MYCBP2: variants seen among roughly 807,000 people sequenced by gnomAD.
MYCBP2 encodes the protein E3 ubiquitin-protein ligase MYCBP2.
In MYCBP2, 120 loss-of-function variants were observed where a neutral mutation model predicts 525.3. That is an observed-to-expected ratio of 0.23 (90% confidence interval 0.20 to 0.27). MYCBP2 has a LOEUF of 0.27. Ranked by LOEUF, MYCBP2 falls within the 10% of genes least tolerant of loss-of-function variation. MYCBP2 has a pLI of 1.00. For missense variants in MYCBP2, 4,149 were observed against 5,657.1 expected (o/e 0.73, Z 8.55); for synonymous variants, 1,894 against 1,955.8 (o/e 0.97, Z 0.83).
intron 67 of MYCBP2, 79 bp from the exon 68 acceptor site, chr13:77,076,928 CCGCAGGT>C (rs2042411156): frequency 8.3e-7 from 1 of 1,212,040 alleles, no homozygotes; most frequent in South Asian, 1.3e-5. Flanking sequence ...TTAGCTGATT[CCGCAGGT>C]TTTATAATAT....
rs370002127 is a variant in MYCBP2 at position 77,257,744 on chromosome 13, C to T, written c.2103G>A (p.Glu701=). 4.3e-5 allele frequency: 69 copies of T among 1,613,404 alleles called. No homozygotes were observed. The Admixed American group carries it at 7.0e-4, about 16-fold the overall frequency. ...TATTATTTACACCAAATGTCCACACCTCTCCATTCTTCATTAAAACACAAG... is the reference window on the plus strand; with the variant it reads ...TATTATTTACACCAAATGTCCACACTTCTCCATTCTTCATTAAAACACAAG... ...AHTCVLMKNG[E]VWTFGVNNKG... is the part of the protein sequence containing the mutation. Residue 701 remains glutamate, a synonymous_variant, in exon 14 of 83, where the codon GAG becomes GAA. Coordinates refer to ENST00000544440, the MANE Select transcript of MYCBP2 (RefSeq NM_015057.5).
At chr13:77,308,504 T>G (rs74095713) in intron 1 of MYCBP2, among the ~76,000 whole-genome samples, 3 of 152,172 alleles carry the variant, frequency 2.0e-5, no homozygotes, top group African/African-American at 7.2e-5. Context: ...ATCCATACAA[T>G]AGGGTGAAAA....
In MYCBP2 at chr13:77,158,060, T is replaced by C. The variant is rs1337833869; in HGVS notation, c.6647A>G (p.His2216Arg). The C allele has an allele frequency of 1.2e-6, 2 of 1,613,372 alleles. No homozygotes were observed. Among genetic ancestry groups the C allele is most frequent in the Non-Finnish European group, 1.7e-6 (2 of 1,179,572 alleles). Residue 2216 changes from histidine (H) to arginine (R), a missense_variant, in exon 45 of 83, where the codon CAT (histidine) becomes CGT (arginine). Coordinates refer to ENST00000544440, the MANE Select transcript of MYCBP2 (RefSeq NM_015057.5). The stretch of plus-strand genomic sequence containing the variant: ...AAGTGCTTCTAATATAGTTGGTGAA[T>C]GAGAAAGAGCTAGACCCTTTCCAAG... ...GILGKGLALS[H>R]SPTILEALEG...
At chr13:77,099,078 TAAACACTGAAATAAAA>T in intron 55 of MYCBP2, 65 bp from the exon 56 acceptor site, 1 of 1,567,656 alleles carries the variant, frequency 6.4e-7, no homozygotes, top group Non-Finnish European at 8.6e-7. Context: ...ATTTAGCCAC[TAAACACTGAAATAAAA>T]AAACATAGCT....
chr13:77,182,020 T>C (rs967745380), intron 32 of MYCBP2, 98 bp from the exon 33 acceptor site: 2 of 873,086 alleles, frequency 2.3e-6, no homozygotes, highest in African/African-American at 3.4e-5. Context: ...TTTTAAATTA[T>C]ACCAAAATTT....
chr13:77,067,489 C>T (rs1355325294), intron 71 of MYCBP2, 92 bp downstream of exon 71: 4 of 1,341,718 alleles, frequency 3.0e-6, no homozygotes, highest in African/African-American at 2.9e-5. Context: ...GGTGAGTAAC[C>T]TAACAAGGTA....
chr13:77,064,545 C>A, intron 73 of MYCBP2, 70 bp downstream of exon 73: 2 of 1,459,376 alleles, frequency 1.4e-6, no homozygotes, highest in Non-Finnish European at 1.8e-6. Flanking sequence ...TTGTTTAAAT[C>A]TATTACTAAA....
chr13:77,080,439 A>C (rs947542491), intron 65 of MYCBP2: 1 of 152,210 alleles, frequency 6.6e-6, no homozygotes, highest in Admixed American at 6.5e-5. Flanking sequence ...AGGTAGAAGA[A>C]AGGCAGTCTG....
Position 77,176,579 on chromosome 13 carries a change from TC to T in MYCBP2, c.5389del (p.Glu1797AsnfsTer2). The T allele has an allele frequency of 6.3e-7, 1 of 1,595,316 alleles. No individual in the cohort carries two copies. Among genetic ancestry groups the T allele is most frequent in the Non-Finnish European group, 8.6e-7 (1 of 1,167,838 alleles). ...CGTTGTGTACGTTCCTTTCACTAAT[TC>T]CAGAGATGTCCATCTGTGGGAATGA... ...STHSHRWTSL[E>X]LVKGTYTTDD... On this transcript the variant is annotated frameshift_variant, in exon 36 of 83. Coordinates refer to ENST00000544440, the MANE Select transcript of MYCBP2 (RefSeq NM_015057.5). LOFTEE classifies it high-confidence loss of function.
At chr13:77,224,926 A>G (rs1384597794) in intron 19 of MYCBP2, among the ~76,000 whole-genome samples, 1 of 152,172 alleles carries the variant, frequency 6.6e-6, no homozygotes, top group Non-Finnish European at 1.5e-5. Context: ...CAGAACTTTA[A>G]TGTCTGTTAA....
chr13:77,168,420 GTGCC>G lies in MYCBP2; in HGVS notation c.6114+4_6114+7del. On this transcript the variant is annotated splice_donor_5th_base_variant and intron_variant, in intron 40 of 82. Transcript: ENST00000544440. ...TACATTCGAATCACACTAAGAACCG[GTGCC>G]TACCTTGTAATGCATCACACAGGCA... 1 of 1,612,472 alleles carries G rather than the reference GTGCC, an allele frequency of 6.2e-7. No homozygotes were observed. Among genetic ancestry groups the G allele is most frequent in the Non-Finnish European group, 8.5e-7 (1 of 1,178,686 alleles).
rs372117168 is a variant in MYCBP2 at position 77,180,607 on chromosome 13, C to G, written c.4942-289G>C. ...TCAATTTACAATTCTATATGACAGA[C>G]AGAAAACTTCTTTCCATTTAAAAAG... On this transcript the variant is annotated intron_variant, in intron 33 of 82. Transcript: ENST00000544440. Among the ~76,000 whole-genome samples, 14 of 152,284 alleles carry G rather than the reference C, an allele frequency of 9.2e-5. 1 individual carries two copies. In the East Asian group the frequency reaches 2.7e-3, roughly 29 times the overall value.
Position 77,070,708 on chromosome 13 carries a change from T to C in MYCBP2, c.11827A>G (p.Thr3943Ala). 1 of 1,594,394 alleles carries C rather than the reference T, an allele frequency of 6.3e-7. No homozygotes were observed. The highest frequency in any genetic ancestry group is 8.5e-7 in the Non-Finnish European group (1 of 1,171,794). Residue 3943 changes from threonine to alanine, a missense_variant, in exon 69 of 83, where the codon ACA becomes GCA. Physicochemically the swap from Thr to Ala is moderately conservative, Grantham distance 58. Coordinates refer to ENST00000544440, the MANE Select transcript of MYCBP2 (RefSeq NM_015057.5). ...TGTTCTTTCAGGTCAGCATCTGATGTTGCCTTTACATAGAAAAAGAAAAAA... is the reference window on the plus strand; with the variant it reads ...TGTTCTTTCAGGTCAGCATCTGATGCTGCCTTTACATAGAAAAAGAAAAAA... ...PEGEEKVYNA[T>A]SDADLKEHMV...
At chr13:77,320,376 A>G (rs1440908337) in intron 1 of MYCBP2, among the ~76,000 whole-genome samples, 1 of 152,222 alleles carries the variant, frequency 6.6e-6, no homozygotes, top group African/African-American at 2.4e-5. Context: ...AAGAGAATTA[A>G]GCATTTATGC....
intron 65 of MYCBP2, chr13:77,080,694 C>A (rs1388430479): frequency 6.6e-6 from 1 of 152,260 alleles, no homozygotes; most frequent in Non-Finnish European, 1.5e-5. Flanking sequence ...GTAATCCTAG[C>A]ACTTTGGGAG....
intron 13 of MYCBP2, among the ~76,000 whole-genome samples, chr13:77,258,287 T>A (rs904638033): frequency 1.3e-5 from 2 of 152,240 alleles, no homozygotes; most frequent in African/African-American, 4.8e-5. Flanking sequence ...TATTTTTTAA[T>A]CCTTTTCAAC....
intron 10 of MYCBP2, among the ~76,000 whole-genome samples, chr13:77,262,954 G>A (rs980873624): frequency 6.6e-6 from 1 of 151,988 alleles, no homozygotes; most frequent in Non-Finnish European, 1.5e-5. Flanking sequence ...TGAGATAACA[G>A]TCAAAAAAGA....
chr13:77,146,420 T>TA (rs1169919219), intron 47 of MYCBP2, among the ~76,000 whole-genome samples: 2,022 of 141,212 alleles, frequency 0.014, 15 homozygotes, highest in Non-Finnish European at 0.02. Flanking sequence ...CACCAAAACT[T>TA]AAAAAAAAAA....
At chr13:77,313,275 G>T (rs1169936119) in intron 1 of MYCBP2, among the ~76,000 whole-genome samples, 4 of 151,868 alleles carry the variant, frequency 2.6e-5, no homozygotes, top group African/African-American at 9.7e-5. Context: ...AAAATCAATG[G>T]CCTAGGATTC....
Sources: allele counts gnomAD v4.1 joint callset (sites outside exome capture counted in the v4.1 genomes callset), GRCh38; gene constraint gnomAD v4.1.1; transcripts MANE v1.5; gene names NCBI Gene and HGNC (gene_info 2026-07-23, HGNC 2026-07-21).